MCF2L: variants seen among roughly 807,000 people sequenced by gnomAD.
MCF2L encodes the protein MCF.2 cell line derived transforming sequence like, also known as guanine nucleotide exchange factor DBS.
In MCF2L, 97 loss-of-function variants were observed where a neutral mutation model predicts 153.4. The observed-to-expected ratio is 0.63, with a 90% confidence interval of 0.54 to 0.75. MCF2L has a LOEUF of 0.75. Ranked by LOEUF, MCF2L falls within the 30% of genes least tolerant of loss-of-function variation. The pLI is 0.00. For synonymous variants in MCF2L, 659 were observed against 632.2 expected, an observed-to-expected ratio of 1.04 and a Z score of -0.64; for missense variants, 1,347 against 1,495.2, an observed-to-expected ratio of 0.90 and a Z score of 1.64.
At chr13:112,930,268 A>G (rs1331685060) in intron 2 of MCF2L, among the ~76,000 whole-genome samples, 2 of 152,218 alleles carry the variant, frequency 1.3e-5, no homozygotes, top group Non-Finnish European at 2.9e-5. Flanking sequence ...AGCTTTATTC[A>G]CAAGCACTAA....
At chr13:113,025,975 T>C (rs1406437559) in intron 3 of MCF2L, among the ~76,000 whole-genome samples, 1 of 46,562 alleles carries the variant, frequency 2.1e-5, no homozygotes, top group Non-Finnish European at 4.4e-5. Flanking sequence ...TCCCCGTGAC[T>C]GTGGGTCGGG....
intron 1 of MCF2L, among the ~76,000 whole-genome samples, chr13:112,901,513 A>G (rs2081119401): frequency 6.6e-6 from 1 of 152,222 alleles, no homozygotes; most frequent in Non-Finnish European, 1.5e-5. Flanking sequence ...TGGGACGCCA[A>G]CAGTGGGAAG....
chr13:112,950,573 C>A (rs766039096), intron 2 of MCF2L, among the ~76,000 whole-genome samples: 4 of 152,162 alleles, frequency 2.6e-5, no homozygotes, highest in African/African-American at 4.8e-5. Flanking sequence ...AACAGACCCA[C>A]ACAAATATGC....
chr13:113,086,434 A>G (rs558145533), intron 21 of MCF2L, among the ~76,000 whole-genome samples, 185 bp downstream of exon 21: 145 of 152,250 alleles, frequency 9.5e-4, no homozygotes, highest in African/African-American at 3.3e-3. Flanking sequence ...CAGACCCCAC[A>G]GCCGGGTCCA....
intron 3 of MCF2L, among the ~76,000 whole-genome samples, chr13:113,025,508 T>C (rs78750250): frequency 0.075 from 2,364 of 31,374 alleles, 819 homozygotes; most frequent in East Asian, 0.13. Flanking sequence ...GGGCAGAGTC[T>C]CTGTGAGGTT....
chr13:112,946,430 C>T (rs2081638306), intron 2 of MCF2L, among the ~76,000 whole-genome samples: 1 of 152,118 alleles, frequency 6.6e-6, no homozygotes, highest in South Asian at 2.1e-4. Flanking sequence ...GAAGTACATG[C>T]CTTACTATAG....
At chr13:113,002,429 G>A (rs934647616) in intron 1 of MCF2L, among the ~76,000 whole-genome samples, 3 of 152,252 alleles carry the variant, frequency 2.0e-5, no homozygotes, top group Admixed American at 2.0e-4. Context: ...TGGAGGGGAC[G>A]CCTGGCCACT....
intron 2 of MCF2L, among the ~76,000 whole-genome samples, chr13:112,959,429 C>G (rs1301203300): frequency 1.3e-5 from 2 of 152,044 alleles, no homozygotes; most frequent in Non-Finnish European, 1.5e-5. Flanking sequence ...GGCACGGCCT[C>G]GGTGTTTAGG....
At chr13:112,947,650 C>T (rs1001550745) in intron 2 of MCF2L, among the ~76,000 whole-genome samples, 3 of 152,236 alleles carry the variant, frequency 2.0e-5, no homozygotes, top group Non-Finnish European at 2.9e-5. Context: ...CATGCCCCAC[C>T]TTCTGGACAC....
At chr13:112,977,726 CCTGATGGCTCCCGTGCGCA>C (rs1258896879) in intron 1 of MCF2L, among the ~76,000 whole-genome samples, 2 of 152,120 alleles carry the variant, frequency 1.3e-5, no homozygotes, top group Admixed American at 6.6e-5. Context: ...CAGAGGCGAC[CCTGATGGCTCCCGTGCGCA>C]CCGCTCACTG....
intron 1 of MCF2L, among the ~76,000 whole-genome samples, chr13:112,901,580 G>C (rs879315787): frequency 6.6e-6 from 1 of 152,226 alleles, no homozygotes; most frequent in African/African-American, 2.4e-5. Context: ...ACAGGTCACC[G>C]CCTGGGAGGG....
At position 113,035,707 on chromosome 13, in the gene MCF2L, A is replaced by T. The variant is rs2141424594; in HGVS notation, c.279-9564A>T. Among the ~76,000 whole-genome samples, 1 of 152,236 alleles carries T rather than the reference A, an allele frequency of 6.6e-6. No homozygotes were observed. Among genetic ancestry groups the T allele is most frequent in the East Asian group, 1.9e-4 (1 of 5,186 alleles). ...CCCTCCCCGCGAAGCTCCTTGGAGG[A>T]TGGAGATTTTAAGGTCTTACTGTGG... On this transcript the variant is annotated intron_variant, in intron 3 of 29. Coordinates refer to ENST00000535094, the MANE Select transcript of MCF2L (RefSeq NM_001112732.3). The surrounding 1 kb of genome is among the most constrained non-coding windows in gnomAD (Gnocchi z 4.4).
rs372174366 is a variant in MCF2L, at chr13:112,934,297, C to T, written c.169+31926C>T. Among the ~76,000 whole-genome samples the T allele has an allele frequency of 1.1e-3, 174 of 152,324 alleles. 1 individual carries two copies. The highest frequency in any genetic ancestry group is 3.4e-3 in the African/African-American group (143 of 41,578). On this transcript the variant is annotated intron_variant, in intron 2 of 29. Transcript: ENST00000375608. ...TAGCAACAGGAAGCATGGTCCACAG[C>T]GGGGAGGCTCAGCGCTGTCTCTAGA...
chr13:112,898,992 C>T (rs529975249), intron 1 of MCF2L, among the ~76,000 whole-genome samples: 57 of 152,346 alleles, frequency 3.7e-4, no homozygotes, highest in South Asian at 3.5e-3. Flanking sequence ...CCCCCCATGC[C>T]GGGTCTGCCC....
In MCF2L at chr13:113,031,211, CAGAGACAGAGAGAGACAGAGAGA is replaced by C. The variant is rs2085696671; in HGVS notation, c.278+6466_278+6488del. ...ACAGAGAGACAGAGACAGACAGAGACAGAGACAGAGAGAGACAGAGAGAAGAGACAGAGAGTGACAGAGATAGA... is the reference window on the plus strand; with the variant it reads ...ACAGAGAGACAGAGACAGACAGAGACAGAGACAGAGAGTGACAGAGATAGA... On this transcript the variant is annotated intron_variant, in intron 3 of 29. Transcript: ENST00000535094. This position sits in a 1 kb window ranked among gnomAD's most constrained non-coding sequence, Gnocchi z 5.5. Among the ~76,000 whole-genome samples the C allele has an allele frequency of 6.7e-6, 1 of 148,770 alleles. No homozygotes were observed. Among genetic ancestry groups the C allele is most frequent in the Non-Finnish European group, 1.5e-5 (1 of 67,474 alleles).
In MCF2L at chr13:113,060,577, T is replaced by C; in HGVS notation, c.370-16T>C. 1 of 1,611,548 alleles carries C rather than the reference T, an allele frequency of 6.2e-7. No homozygotes were observed. The highest frequency in any genetic ancestry group is 2.2e-5 in the East Asian group (1 of 44,882). ...AGAGCACGCTGCAGGCCCTTGTCTC[T>C]CGCCCTCTCTCACAGGCATCTTTCC... On this transcript the variant is annotated splice_polypyrimidine_tract_variant and intron_variant, in intron 4 of 29. Coordinates refer to ENST00000535094, the MANE Select transcript of MCF2L (RefSeq NM_001112732.3).
chr13:113,019,503 A>G (rs761174219), intron 2 of MCF2L, among the ~76,000 whole-genome samples: 1 of 152,244 alleles, frequency 6.6e-6, no homozygotes, highest in Non-Finnish European at 1.5e-5. Context: ...AATGGACAGA[A>G]GGTCACTGGG....
intron 3 of MCF2L, among the ~76,000 whole-genome samples, chr13:113,025,148 C>G (rs1594720693): frequency 1.2e-5 from 1 of 83,578 alleles, no homozygotes; most frequent in Admixed American, 1.2e-4. Flanking sequence ...ATTTCCCCAT[C>G]ATGCGGTCCC....
intron 1 of MCF2L, among the ~76,000 whole-genome samples, chr13:112,898,128 G>A (rs577513651): frequency 1.8e-4 from 27 of 152,336 alleles, no homozygotes; most frequent in African/African-American, 5.5e-4. Flanking sequence ...TGGATGACAC[G>A]GTGTCGTGAG....
Sources: gnomAD v4.1 joint callset for allele counts (sites outside exome capture counted in the v4.1 genomes callset) on GRCh38, gnomAD v4.1.1 for gene constraint, Gnocchi (gnomAD v3.1) non-coding constraint, MANE v1.5 for transcripts, NCBI Gene and HGNC (gene_info 2026-07-23, HGNC 2026-07-21) for gene names.